CYP2C18: variants seen among roughly 807,000 people sequenced by gnomAD.
CYP2C18 encodes cytochrome P450 2C18.
CYP2C18 carries 38 observed loss-of-function variants against 41.3 expected under a neutral mutation model. The observed-to-expected ratio is 0.92, with a 90% CI of 0.71 to 1.21. The LOEUF (loss-of-function observed/expected upper bound fraction) is 1.21, where lower values mean the gene tolerates loss of function less well. Among genes scored for constraint, CYP2C18 ranks in the 50% most tolerant of loss-of-function variants. The pLI, the probability that CYP2C18 is intolerant of heterozygous loss-of-function variation, is 0.00. For missense variants in CYP2C18, 635 were observed against 591.4 expected, an observed-to-expected ratio of 1.07 and a Z score of -0.77; for synonymous variants, 236 against 210.0, an observed-to-expected ratio of 1.12 and a Z score of -1.07.
intron 1 of CYP2C18, among the ~76,000 whole-genome samples, chr10:94,686,017 C>T (rs1329295113): frequency 6.6e-6 from 1 of 152,084 alleles, no homozygotes; most frequent in Non-Finnish European, 1.5e-5. Flanking sequence ...TTTTTCCAAT[C>T]CATGAACATG....
intron 5 of CYP2C18, among the ~76,000 whole-genome samples, chr10:94,716,474 G>T (rs1589802702): frequency 6.6e-6 from 1 of 152,046 alleles, no homozygotes; most frequent in Non-Finnish European, 1.5e-5. Flanking sequence ...TGTTCAGTTT[G>T]CATGTAATTG....
chr10:94,734,514 A>G (rs1847886293), intron 8 of CYP2C18, among the ~76,000 whole-genome samples: 1 of 152,182 alleles, frequency 6.6e-6, no homozygotes, highest in Non-Finnish European at 1.5e-5. Flanking sequence ...GTGAGTTTCT[A>G]TTGACTAGGG....
chr10:94,714,694 G>GT (rs1401739178), intron 5 of CYP2C18, among the ~76,000 whole-genome samples: 3 of 152,156 alleles, frequency 2.0e-5, no homozygotes, highest in Non-Finnish European at 4.4e-5. Context: ...CTTTAAAGTA[G>GT]TTTTTTCCAA....
intron 4 of CYP2C18, among the ~76,000 whole-genome samples, chr10:94,703,803 A>C (rs564416155): frequency 2.6e-5 from 4 of 152,248 alleles, no homozygotes; most frequent in African/African-American, 7.2e-5. Context: ...TTTTGTAGCT[A>C]GCTTGGTGTC....
chr10:94,724,306 T>C, intron 6 of CYP2C18, 40 bp from the exon 7 acceptor site: 1 of 1,604,594 alleles, frequency 6.2e-7, no homozygotes, highest in Non-Finnish European at 8.5e-7. Flanking sequence ...AATGTGCCAT[T>C]TTCCTCCTTT....
At position 94,724,604 on chromosome 10, in the gene CYP2C18, C is replaced by A. The variant is rs558382972; in HGVS notation, c.1149+71C>A. The A allele has an allele frequency of 3.4e-4, 461 of 1,358,078 alleles. 2 individuals carry two copies. Among genetic ancestry groups the A allele is most frequent in the Non-Finnish European group, 4.9e-5 (47 of 954,642 alleles). 84.1% of individuals were successfully genotyped at this position (1,358,078 alleles called of 1,614,324 possible). ...CCAAATTCATAGTATAGTCCCAATC[C>A]TCTAACAACACATGATGAGAGAAGT... On this transcript the variant is annotated intron_variant, in intron 7 of 8. Transcript: ENST00000285979.
chr10:94,693,244 G>T (rs147949249), intron 3 of CYP2C18, among the ~76,000 whole-genome samples: 1 of 152,252 alleles, frequency 6.6e-6, no homozygotes, highest in African/African-American at 2.4e-5. Flanking sequence ...TTCATGAATA[G>T]TTTAGTACCA....
chr10:94,684,707 T>A (rs920859009), intron 1 of CYP2C18, among the ~76,000 whole-genome samples: 3 of 152,110 alleles, frequency 2.0e-5, no homozygotes, highest in Non-Finnish European at 4.4e-5. Context: ...TTCCTTTGGG[T>A]ATATACTGGT....
At position 94,700,209 on chromosome 10, in the gene CYP2C18, A is replaced by G. The variant is rs113700923; in HGVS notation, c.642+5132A>G. On this transcript the variant is annotated intron_variant, in intron 4 of 8. Coordinates refer to ENST00000285979, the MANE Select transcript of CYP2C18 (RefSeq NM_000772.3). ...GAAAGAACAAAGCTGGAGGCATCACACTACCTGACTTCAAACTATACTACA... is the reference window on the plus strand; with the variant it reads ...GAAAGAACAAAGCTGGAGGCATCACGCTACCTGACTTCAAACTATACTACA... 7.1e-3 allele frequency among the ~76,000 whole-genome samples: 1,084 copies of G among 152,294 alleles called. 11 individuals are homozygous for G. The highest frequency in any genetic ancestry group is 0.024 in the African/African-American group (1,013 of 41,556).
At chr10:94,692,917 A>C (rs1847034933) in intron 3 of CYP2C18, among the ~76,000 whole-genome samples, 1 of 152,092 alleles carries the variant, frequency 6.6e-6, no homozygotes, top group Non-Finnish European at 1.5e-5. Flanking sequence ...AAACTATCGC[A>C]AGACCAAACA....
chr10:94,709,745 G>T (rs897580706), intron 5 of CYP2C18, among the ~76,000 whole-genome samples: 1 of 152,190 alleles, frequency 6.6e-6, no homozygotes, highest in African/African-American at 2.4e-5. Context: ...ATTACATTTA[G>T]GTCTAAGATC....
Position 94,695,097 on chromosome 10 carries a change from T to TGG in CYP2C18, c.642+20_642+21insGG. On this transcript the variant is annotated intron_variant, in intron 4 of 8. Transcript: ENST00000285979. ...ATCCAGGTGAGATCAAGAGCTTCTC[T>TGG]TCCTGAGATATTATTTTTGTTATTT... is the stretch of plus-strand genomic sequence containing the variant. 1 of 1,573,866 alleles carries TGG rather than the reference T, an allele frequency of 6.4e-7. No homozygotes were observed. Among genetic ancestry groups the TGG allele is most frequent in the Non-Finnish European group, 8.6e-7 (1 of 1,166,032 alleles).
At chr10:94,726,759 GTGCCTTCTAACA>G (rs1847750096) in intron 7 of CYP2C18, among the ~76,000 whole-genome samples, 1 of 152,058 alleles carries the variant, frequency 6.6e-6, no homozygotes, top group Non-Finnish European at 1.5e-5. Flanking sequence ...ATCTTTTCCA[GTGCCTTCTAACA>G]CATGGTTTCT....
intron 4 of CYP2C18, among the ~76,000 whole-genome samples, chr10:94,696,841 C>T (rs529839870): frequency 6.6e-6 from 1 of 152,108 alleles, no homozygotes; most frequent in African/African-American, 2.4e-5. Flanking sequence ...ATGCACAAGC[C>T]TCAGTAGCCG....
At position 94,727,831 on chromosome 10, in the gene CYP2C18, A is replaced by G. The variant is rs189577127; in HGVS notation, c.1149+3298A>G. ...CATCTACATTTTAATCTATACATTTATCTGCATTTATCTATCATCTATCTA... is the reference window on the plus strand; with the variant it reads ...CATCTACATTTTAATCTATACATTTGTCTGCATTTATCTATCATCTATCTA... On this transcript the variant is annotated intron_variant, in intron 7 of 8. Transcript: ENST00000285979. Among the ~76,000 whole-genome samples, 707 of 152,266 alleles carry G rather than the reference A, an allele frequency of 4.6e-3. 4 individuals are homozygous for G. Among genetic ancestry groups the G allele is most frequent in the African/African-American group, 0.011 (465 of 41,548 alleles).
chr10:94,715,968 C>T (rs1052876721), intron 5 of CYP2C18, among the ~76,000 whole-genome samples: 19 of 152,220 alleles, frequency 1.2e-4, no homozygotes, highest in East Asian at 5.8e-4. Flanking sequence ...AATTTATTTG[C>T]GTAGAGGTGT....
intron 6 of CYP2C18, among the ~76,000 whole-genome samples, chr10:94,721,136 C>G (rs749716558): frequency 1.3e-5 from 2 of 152,026 alleles, no homozygotes; most frequent in Admixed American, 6.6e-5. Flanking sequence ...GCCTCAGCCT[C>G]CTGAGTAGCT....
intron 3 of CYP2C18, among the ~76,000 whole-genome samples, chr10:94,691,047 C>A (rs1846988358): frequency 6.6e-6 from 1 of 152,142 alleles, no homozygotes; most frequent in Non-Finnish European, 1.5e-5. Flanking sequence ...CTATCTATGA[C>A]AAGCCCACAG....
intron 1 of CYP2C18, among the ~76,000 whole-genome samples, chr10:94,687,543 T>A (rs1176334024): frequency 6.6e-6 from 1 of 152,204 alleles, no homozygotes; most frequent in Admixed American, 6.5e-5. Flanking sequence ...GATGTGATGA[T>A]TAAGTTTAAT....
Sources: gnomAD v4.1 joint callset for allele counts (sites outside exome capture counted in the v4.1 genomes callset) on GRCh38, gnomAD v4.1.1 for gene constraint, MANE v1.5 for transcripts, NCBI Gene and HGNC (gene_info 2026-07-23, HGNC 2026-07-21) for gene names.